Variants in UVRAG observed in about 807,000 individuals in gnomAD.
UVRAG encodes UV radiation resistance-associated gene protein.
A neutral mutation model predicts 78.0 loss-of-function variants in UVRAG; 19 were observed. That is an observed-to-expected ratio of 0.24 (90% CI 0.17 to 0.36). The LOEUF (loss-of-function observed/expected upper bound fraction) is 0.36. UVRAG is among the 10% of genes least tolerant of loss of function. The probability of loss-of-function intolerance (pLI) is 1.00; values close to 1 mark genes in which losing one functional copy is unlikely to be tolerated. For missense variants in UVRAG, 740 were observed against 853.8 expected, an observed-to-expected ratio of 0.87 and a Z score of 1.66; for synonymous variants, 323 against 324.6, an observed-to-expected ratio of 1.00 and a Z score of 0.05.
intron 1 of UVRAG, among the ~76,000 whole-genome samples, chr11:75,832,820 C>T (rs1212804925): frequency 1.3e-5 from 2 of 152,214 alleles, no homozygotes; most frequent in Non-Finnish European, 1.5e-5. Flanking sequence ...ACACTTATCA[C>T]TCCAGAGATT....
At chr11:75,954,576 T>C (rs1948759159) in intron 6 of UVRAG, among the ~76,000 whole-genome samples, 1 of 152,264 alleles carries the variant, frequency 6.6e-6, no homozygotes, top group Admixed American at 6.5e-5. Context: ...ACCACACTGA[T>C]CTTCCAATTA....
At chr11:75,829,833 GTCT>G (rs1189902687) in intron 1 of UVRAG, among the ~76,000 whole-genome samples, 1 of 152,182 alleles carries the variant, frequency 6.6e-6, no homozygotes, top group Non-Finnish European at 1.5e-5. Flanking sequence ...TGAAATATTT[GTCT>G]TCTTTTTCTT....
rs566196577 is a variant in UVRAG, at chr11:75,970,601, C to T, written c.699+9052C>T. On this transcript the variant is annotated intron_variant, in intron 7 of 14. Transcript: ENST00000356136. ...CAAAAAAATTAGCCGGGCGTGGTCGCGGGCGCCTGTAGTCCCAGTTACTTG... is the reference window on the plus strand; with the variant it reads ...CAAAAAAATTAGCCGGGCGTGGTCGTGGGCGCCTGTAGTCCCAGTTACTTG... Among the ~76,000 whole-genome samples the T allele has an allele frequency of 3.5e-4, 53 of 152,002 alleles. No homozygotes were observed. In the East Asian group the frequency reaches 7.0e-3, roughly 20 times the overall value.
At chr11:75,906,472 C>T (rs998621027) in intron 5 of UVRAG, among the ~76,000 whole-genome samples, 5 of 151,980 alleles carry the variant, frequency 3.3e-5, no homozygotes, top group South Asian at 2.1e-4. Context: ...TCCAGCCTCC[C>T]GAGTAGCTGG....
chr11:76,038,953 A>G (rs1216344420), intron 12 of UVRAG, among the ~76,000 whole-genome samples: 1 of 152,200 alleles, frequency 6.6e-6, no homozygotes, highest in Non-Finnish European at 1.5e-5. Context: ...AGCCTGGCCA[A>G]CACCTTGATT....
Position 75,844,423 on chromosome 11 carries a change from T to G in UVRAG, c.118-7460T>G, listed in dbSNP as rs1243004974. On this transcript the variant is annotated intron_variant, in intron 1 of 14. Transcript: ENST00000356136. ...TTGTATTTTTAGTAGAGATGGGGTT[T>G]CACTGTGTTAGCCAGATGGTCTTGA... Among the ~76,000 whole-genome samples the G allele has an allele frequency of 3.3e-5, 5 of 152,124 alleles. No homozygotes were observed. The East Asian group carries it at 9.7e-4, about 30-fold the overall frequency.
At chr11:76,032,437 A>G (rs938912780) in intron 12 of UVRAG, among the ~76,000 whole-genome samples, 3 of 152,222 alleles carry the variant, frequency 2.0e-5, no homozygotes, top group African/African-American at 7.2e-5. Context: ...AAACTGATAT[A>G]ACATTTAATT....
At chr11:76,088,617 T>C (rs1473159482) in intron 13 of UVRAG, among the ~76,000 whole-genome samples, 1 of 151,854 alleles carries the variant, frequency 6.6e-6, no homozygotes, top group African/African-American at 2.4e-5. Flanking sequence ...CCTCCGCCAC[T>C]GGCCCTTTAT....
At chr11:75,838,671 A>T (rs138389899) in intron 1 of UVRAG, among the ~76,000 whole-genome samples, 1 of 152,242 alleles carries the variant, frequency 6.6e-6, no homozygotes, top group African/African-American at 2.4e-5. Flanking sequence ...TAATTTTGAT[A>T]GATGTTGTCA....
intron 6 of UVRAG, among the ~76,000 whole-genome samples, chr11:75,952,248 CCTATACCT>C (rs1182464529): frequency 6.6e-6 from 1 of 152,114 alleles, no homozygotes; most frequent in East Asian, 1.9e-4. Flanking sequence ...TTCTTCCTTT[CCTATACCT>C]ATGGCTTTTA....
chr11:75,853,477 C>T (rs974802105), intron 2 of UVRAG, among the ~76,000 whole-genome samples: 2 of 151,912 alleles, frequency 1.3e-5, no homozygotes, highest in Non-Finnish European at 2.9e-5. Context: ...TCTGCTGCCT[C>T]AGCCTCCCAA....
chr11:75,954,226 T>C lies in UVRAG; in HGVS notation c.594-7218T>C, dbSNP rs371759400. On this transcript the variant is annotated intron_variant, in intron 6 of 14. Coordinates refer to ENST00000356136, the MANE Select transcript of UVRAG (RefSeq NM_003369.4). ...TGGAGGAAATGTGACTCTGTCTGTGTGTTTTAAGCCCCTAAGGTAAGATCA... is the reference window on the plus strand; with the variant it reads ...TGGAGGAAATGTGACTCTGTCTGTGCGTTTTAAGCCCCTAAGGTAAGATCA... 1.1e-4 allele frequency among the ~76,000 whole-genome samples: 16 copies of C among 152,314 alleles called. No individual in the cohort carries two copies. In the South Asian group the frequency reaches 3.3e-3, roughly 32 times the overall value.
chr11:75,833,359 G>A lies in UVRAG; in HGVS notation c.117+17835G>A, dbSNP rs12284782. 8.3e-3 allele frequency among the ~76,000 whole-genome samples: 1,268 copies of A among 152,208 alleles called. 20 individuals carry two copies. Among genetic ancestry groups the A allele is most frequent in the African/African-American group, 0.029 (1,214 of 41,522 alleles). On this transcript the variant is annotated intron_variant, in intron 1 of 14. Transcript: ENST00000356136. ...ATAGCCCATTTTGCTACATTTGCAA[G>A]CTTGCTCTCTTTCTCTCTTTCTGAA...
At chr11:75,997,014 A>G (rs1949721085) in intron 8 of UVRAG, among the ~76,000 whole-genome samples, 1 of 152,226 alleles carries the variant, frequency 6.6e-6, no homozygotes, top group Non-Finnish European at 1.5e-5. Flanking sequence ...CACTAAATGC[A>G]GAGAATAATT....
At chr11:76,050,071 A>G (rs1950833107) in intron 12 of UVRAG, among the ~76,000 whole-genome samples, 1 of 152,218 alleles carries the variant, frequency 6.6e-6, no homozygotes, top group Admixed American at 6.5e-5. Flanking sequence ...CAGCATCAAC[A>G]TCATTGTTAT....
At chr11:75,840,827 AT>A (rs1253806596) in intron 1 of UVRAG, among the ~76,000 whole-genome samples, 2 of 152,202 alleles carry the variant, frequency 1.3e-5, no homozygotes, top group Non-Finnish European at 2.9e-5. Flanking sequence ...TTCTTTCAAA[AT>A]TTTCATAGTG....
intron 1 of UVRAG, among the ~76,000 whole-genome samples, chr11:75,832,728 C>A (rs1388203552): frequency 1.3e-5 from 2 of 152,184 alleles, no homozygotes; most frequent in Admixed American, 6.5e-5. Context: ...AAGTTTTAAC[C>A]CTCTAATCAT....
chr11:75,894,915 G>A (rs1947308220), intron 5 of UVRAG, among the ~76,000 whole-genome samples: 1 of 151,844 alleles, frequency 6.6e-6, no homozygotes, highest in Non-Finnish European at 1.5e-5. Context: ...TAACAGAAAA[G>A]GAAACAAAAG....
chr11:75,942,031 A>G (rs1231062739), intron 6 of UVRAG: 1 of 152,168 alleles, frequency 6.6e-6, no homozygotes, highest in Non-Finnish European at 1.5e-5. Flanking sequence ...AATGTAAGGC[A>G]TTTTAAAGAG....
Sources: allele counts gnomAD v4.1 joint callset (sites outside exome capture counted in the v4.1 genomes callset), GRCh38; gene constraint gnomAD v4.1.1; transcripts MANE v1.5; gene names NCBI Gene and HGNC (gene_info 2026-07-23, HGNC 2026-07-21).